SGMS1: variants seen among roughly 807,000 people sequenced by gnomAD.
The protein encoded by SGMS1 is sphingomyelin synthase 1.
In SGMS1, 13 loss-of-function variants were observed where a neutral mutation model predicts 46.2. The ratio of observed to expected loss-of-function variants is 0.28; its 90% CI spans 0.18 to 0.45. The LOEUF (loss-of-function observed/expected upper bound fraction) is 0.45, where lower values mean the gene tolerates loss of function less well. Ranked by LOEUF, SGMS1 falls within the 20% of genes least tolerant of loss-of-function variation. SGMS1 has a pLI of 1.00. For synonymous variants in SGMS1, 203 were observed against 187.8 expected, an observed-to-expected ratio of 1.08 and a Z score of -0.66; for missense variants, 324 against 519.9, an observed-to-expected ratio of 0.62 and a Z score of 3.66.
At chr10:50,377,488 T>C (rs1848537187) in intron 6 of SGMS1, among the ~76,000 whole-genome samples, 1 of 152,222 alleles carries the variant, frequency 6.6e-6, no homozygotes. Flanking sequence ...ATAGCACTGA[T>C]GGAAGATGTT....
At chr10:50,609,521 G>GTTT (rs370846975) in intron 1 of SGMS1, among the ~76,000 whole-genome samples, 28,678 of 116,642 alleles carry the variant, frequency 0.25, 3,960 homozygotes, top group Admixed American at 0.31. Flanking sequence ...CTTCTCAATA[G>GTTT]TTTTTTTTTT....
chr10:50,522,764 T>C (rs755602336), intron 2 of SGMS1, among the ~76,000 whole-genome samples: 19 of 152,142 alleles, frequency 1.2e-4, no homozygotes, highest in Admixed American at 2.6e-4. Flanking sequence ...CTCGGTAGAA[T>C]GGCTAAGGTA....
intron 6 of SGMS1, among the ~76,000 whole-genome samples, chr10:50,350,821 C>T (rs1371447992): frequency 2.0e-5 from 3 of 152,172 alleles, no homozygotes; most frequent in Non-Finnish European, 4.4e-5. Flanking sequence ...GCTGCAGGGG[C>T]CCGGCCCTCA....
intron 5 of SGMS1, among the ~76,000 whole-genome samples, chr10:50,446,091 C>A (rs1837009373): frequency 6.6e-6 from 1 of 152,152 alleles, no homozygotes; most frequent in African/African-American, 2.4e-5. Context: ...CAAACCCTGT[C>A]TCCTGGTAAG....
intron 3 of SGMS1, among the ~76,000 whole-genome samples, chr10:50,492,295 A>G (rs1428871375): frequency 6.6e-6 from 1 of 152,212 alleles, no homozygotes; most frequent in Non-Finnish European, 1.5e-5. Context: ...CCTATTCAAC[A>G]TAGTATTGGA....
chr10:50,446,549 T>C (rs567016376), intron 5 of SGMS1, among the ~76,000 whole-genome samples: 2 of 152,216 alleles, frequency 1.3e-5, no homozygotes, highest in East Asian at 1.9e-4. Context: ...TATCAATAGG[T>C]GAATAACTTC....
rs183947796 is a variant in SGMS1 at position 50,455,904 on chromosome 10, A to G, written c.-313+4769T>C. Among the ~76,000 whole-genome samples the G allele has an allele frequency of 3.9e-5, 6 of 152,226 alleles. No homozygotes were observed. In the East Asian group the frequency reaches 7.7e-4, roughly 20 times the overall value. On this transcript the variant is annotated intron_variant, in intron 5 of 10. Coordinates refer to ENST00000361781, the MANE Select transcript of SGMS1 (RefSeq NM_147156.4). ...ACTAGAAGGTTACTTTCTACCACCA[A>G]TGCTTGTAAGGCTATCACTCTTTCA...
At chr10:50,462,607 A>G (rs1354188782) in intron 4 of SGMS1, among the ~76,000 whole-genome samples, 2 of 152,248 alleles carry the variant, frequency 1.3e-5, no homozygotes, top group Non-Finnish European at 2.9e-5. Context: ...ATGAGAAACC[A>G]TTTTATAAAG....
intron 6 of SGMS1, among the ~76,000 whole-genome samples, chr10:50,393,851 T>C (rs893409035): frequency 6.6e-6 from 1 of 152,192 alleles, no homozygotes; most frequent in Non-Finnish European, 1.5e-5. Flanking sequence ...ATTTTGCAGA[T>C]GAGCTGGCAA....
At chr10:50,587,317 T>C (rs964802098) in intron 2 of SGMS1, among the ~76,000 whole-genome samples, 1 of 152,122 alleles carries the variant, frequency 6.6e-6, no homozygotes, top group African/African-American at 2.4e-5. Flanking sequence ...TAAGGAAATA[T>C]GAGGTATGCT....
chr10:50,560,375 TATATGCATATAATATATGCATATATTATA>T (rs1838225654), intron 2 of SGMS1, among the ~76,000 whole-genome samples: 2 of 138,402 alleles, frequency 1.4e-5, no homozygotes, highest in South Asian at 4.4e-4. Flanking sequence ...TATTATATAT[TATATGCATATAATATATGCATATATTATA>T]ATACATATAT....
At chr10:50,597,873 T>G (rs1306646820) in intron 1 of SGMS1, among the ~76,000 whole-genome samples, 1 of 151,530 alleles carries the variant, frequency 6.6e-6, no homozygotes, top group Non-Finnish European at 1.5e-5. Flanking sequence ...TTAGCCAGGC[T>G]TGGTGGTGAA....
At chr10:50,438,969 C>T (rs1203405) in intron 5 of SGMS1, among the ~76,000 whole-genome samples, 32,631 of 152,148 alleles carry the variant, frequency 0.21, 3,710 homozygotes, top group Non-Finnish European at 0.25. Flanking sequence ...ACGTTTAGAA[C>T]AGTAAGAGAA....
intron 6 of SGMS1, among the ~76,000 whole-genome samples, chr10:50,379,314 C>G (rs929819931): frequency 6.6e-6 from 1 of 152,128 alleles, no homozygotes; most frequent in Non-Finnish European, 1.5e-5. Flanking sequence ...CTCCTCACAA[C>G]AGAATACCAT....
At chr10:50,461,235 C>T (rs1464045910) in intron 4 of SGMS1, among the ~76,000 whole-genome samples, 1 of 152,126 alleles carries the variant, frequency 6.6e-6, no homozygotes, top group Non-Finnish European at 1.5e-5. Context: ...ACTGAGTTAT[C>T]ATTTTTACAA....
chr10:50,327,065 A>G, intron 8 of SGMS1, 140 bp downstream of exon 8: 2 of 546,054 alleles, frequency 3.7e-6, no homozygotes, highest in South Asian at 2.7e-5. Flanking sequence ...CTGCCTGGCC[A>G]TATCATTTAG....
At chr10:50,360,676 A>G (rs1848232090) in intron 6 of SGMS1, among the ~76,000 whole-genome samples, 1 of 152,190 alleles carries the variant, frequency 6.6e-6, no homozygotes, top group African/African-American at 2.4e-5. Context: ...AATGTTTCCA[A>G]ATTCCATTAG....
chr10:50,324,339 G>T (rs887976722), intron 8 of SGMS1, among the ~76,000 whole-genome samples: 1 of 152,166 alleles, frequency 6.6e-6, no homozygotes, highest in African/African-American at 2.4e-5. Flanking sequence ...GGGCAATTAA[G>T]TTCCCTCTCT....
intron 1 of SGMS1, among the ~76,000 whole-genome samples, chr10:50,612,975 AC>A (rs1428055948): frequency 6.6e-6 from 1 of 151,556 alleles, no homozygotes; most frequent in Non-Finnish European, 1.5e-5. Context: ...AAGAAAGTAA[AC>A]TCTTAAGTAC....
Sources: gnomAD v4.1 joint callset for allele counts (sites outside exome capture counted in the v4.1 genomes callset) on GRCh38, gnomAD v4.1.1 for gene constraint, MANE v1.5 for transcripts, NCBI Gene and HGNC (gene_info 2026-07-23, HGNC 2026-07-21) for gene names.